The following CDK13 variants were observed in gnomAD, a reference collection of about 807,000 sequenced individuals.
The protein encoded by CDK13 is cyclin dependent kinase 13, also known as cyclin-dependent kinase 13.
CDK13 carries 40 observed loss-of-function variants against 137.6 expected under a neutral mutation model. The observed-to-expected ratio is 0.29, with a 90% CI of 0.23 to 0.38. CDK13 has a LOEUF of 0.38. Ranked by LOEUF, CDK13 falls within the 10% of genes least tolerant of loss-of-function variation. CDK13 has a pLI of 1.00. For synonymous variants in CDK13, 869 were observed against 760.1 expected, an observed-to-expected ratio of 1.14 and a Z score of -2.36; for missense variants, 1,704 against 1,951.8, an observed-to-expected ratio of 0.87 and a Z score of 2.39.
At chr7:40,066,368 G>A (rs1584060769) in intron 9 of CDK13, among the ~76,000 whole-genome samples, 2 of 152,306 alleles carry the variant, frequency 1.3e-5, no homozygotes, top group East Asian at 3.9e-4. Flanking sequence ...ATTAATTGAT[G>A]CTCTTCATTC....
chr7:40,083,278 CTGGG>C (rs1335488169), intron 11 of CDK13, among the ~76,000 whole-genome samples: 1 of 146,858 alleles, frequency 6.8e-6, no homozygotes, highest in Non-Finnish European at 1.5e-5. Context: ...TGAGACCTAC[CTGGG>C]TAACATAAGG....
intron 1 of CDK13, among the ~76,000 whole-genome samples, chr7:39,968,508 G>A (rs1311063045): frequency 3.3e-5 from 5 of 152,204 alleles, no homozygotes; most frequent in Admixed American, 3.3e-4. Flanking sequence ...CAGTAGCTGG[G>A]ACTACAGACA....
At chr7:40,008,234 A>T (rs765833249) in intron 5 of CDK13, among the ~76,000 whole-genome samples, 27 of 152,242 alleles carry the variant, frequency 1.8e-4, no homozygotes, top group Non-Finnish European at 3.4e-4. Flanking sequence ...TAAGTTAATT[A>T]GTATTACATA....
chr7:39,990,599 T>C (rs1319032247), intron 2 of CDK13, among the ~76,000 whole-genome samples: 8 of 152,206 alleles, frequency 5.3e-5, no homozygotes, highest in Non-Finnish European at 1.2e-4. Flanking sequence ...GGAGACTTAT[T>C]TTATATTTAC....
At chr7:39,975,830 T>G (rs1012160514) in intron 1 of CDK13, among the ~76,000 whole-genome samples, 15 of 151,820 alleles carry the variant, frequency 9.9e-5, no homozygotes, top group African/African-American at 3.6e-4. Context: ...CAACACAGAG[T>G]TTTATTTTTA....
At chr7:39,987,100 TTAAAACTATCTTTCTGAAACG>T (rs1366632430) in intron 1 of CDK13, 1 of 152,344 alleles carries the variant, frequency 6.6e-6, no homozygotes, top group Admixed American at 6.5e-5. Flanking sequence ...GTAAATTTTC[TTAAAACTATCTTTCTGAAACG>T]AACTCTAAGA....
chr7:40,031,377 C>G (rs1785374866), intron 5 of CDK13, among the ~76,000 whole-genome samples: 1 of 152,006 alleles, frequency 6.6e-6, no homozygotes, highest in Non-Finnish European at 1.5e-5. Context: ...CAAAAAATAA[C>G]TTGACGTGGT....
At chr7:39,970,419 A>T (rs986717005) in intron 1 of CDK13, among the ~76,000 whole-genome samples, 1 of 151,994 alleles carries the variant, frequency 6.6e-6, no homozygotes, top group African/African-American at 2.4e-5. Context: ...TGTTAACATT[A>T]TGATAGCATA....
At chr7:39,998,868 GTT>G (rs1421864905) in intron 3 of CDK13, 1 of 150,626 alleles carries the variant, frequency 6.6e-6, no homozygotes, top group Non-Finnish European at 1.5e-5. Flanking sequence ...TTTTTTTGAT[GTT>G]TTTCAGATGA....
At chr7:40,035,112 A>G (rs1025714653) in intron 5 of CDK13, among the ~76,000 whole-genome samples, 9 of 152,224 alleles carry the variant, frequency 5.9e-5, no homozygotes, top group African/African-American at 9.6e-5. Flanking sequence ...TTCTAAGGAT[A>G]TGTATATATA....
chr7:39,979,137 T>C (rs892752580), intron 1 of CDK13, among the ~76,000 whole-genome samples: 10 of 152,052 alleles, frequency 6.6e-5, no homozygotes. Flanking sequence ...GGTTATGGTG[T>C]CTGTAGAAAT....
chr7:40,094,499 A>T lies in CDK13; in HGVS notation c.4058A>T (p.Asp1353Val), dbSNP rs1377198788. The T allele has an allele frequency of 6.2e-7, 1 of 1,613,350 alleles. No individual in the cohort carries two copies. The change falls in exon 14 of 14, where the codon GAT becomes GTT. Residue 1353 changes from aspartate (D) to valine (V), a missense_variant. Asp to Val is a radical substitution (Grantham distance 152). This residue lies in a region of CDK13 where 475 missense variants were observed against 579.3 expected (regional missense o/e 0.82). Transcript: ENST00000181839. Reference sequence around the variant, plus strand: ...TCTTCTGCTCCTTATGTTAGCAATGATGGTCTAGGAAGCAGTTCTGCTCCA... The same window carrying T: ...TCTTCTGCTCCTTATGTTAGCAATGTTGGTCTAGGAAGCAGTTCTGCTCCA... ...SFSSAPYVSNDGLGSSSAPPL... is the reference protein window; with the variant it reads ...SFSSAPYVSNVGLGSSSAPPL...
intron 5 of CDK13, among the ~76,000 whole-genome samples, chr7:40,029,797 C>T (rs561778165): frequency 2.0e-5 from 3 of 152,206 alleles, no homozygotes; most frequent in Admixed American, 6.5e-5. Flanking sequence ...GGACTACAGG[C>T]TTGCACCACC....
At chr7:40,075,347 A>T (rs1786522370) in intron 9 of CDK13, among the ~76,000 whole-genome samples, 1 of 152,120 alleles carries the variant, frequency 6.6e-6, no homozygotes, top group African/African-American at 2.4e-5. Flanking sequence ...GTTTCTAGGA[A>T]CTTTCCTTGC....
chr7:40,070,556 A>T (rs1193290914), intron 9 of CDK13: 1 of 152,170 alleles, frequency 6.6e-6, no homozygotes, highest in African/African-American at 2.4e-5. Flanking sequence ...CTCTACAAAA[A>T]TACAGAATTA....
chr7:39,954,469 GTCT>G (rs1787343050), intron 1 of CDK13, among the ~76,000 whole-genome samples: 1 of 152,148 alleles, frequency 6.6e-6, no homozygotes, highest in Non-Finnish European at 1.5e-5. Flanking sequence ...CAACTGGGCT[GTCT>G]TATCCATCAT....
rs1175493746 is a variant in CDK13, at chr7:40,088,316, T to C, written c.3220T>C (p.Ser1074Pro). ...PSSQLKSQGSSNVAPVKTGPG... is the reference protein window; with the variant it reads ...PSSQLKSQGSPNVAPVKTGPG... Reference sequence around the variant, plus strand: ...TTCACAGCTGAAATCTCAGGGCAGCTCAAATGTGGCACCTGGTCAGTAATG... The same window carrying C: ...TTCACAGCTGAAATCTCAGGGCAGCCCAAATGTGGCACCTGGTCAGTAATG... The change falls in exon 12 of 14, where the codon TCA becomes CCA. Residue 1074 changes from serine (S) to proline (P), a missense_variant. Ser to Pro is a moderately conservative substitution (Grantham distance 74). Around this residue, in one of 5 missense-constraint regions of CDK13, gnomAD observed 475 missense variants for 579.3 expected, o/e 0.82. Coordinates refer to ENST00000181839, the MANE Select transcript of CDK13 (RefSeq NM_003718.5). The C allele has an allele frequency of 1.2e-6, 2 of 1,611,564 alleles. No homozygotes were observed. Among genetic ancestry groups the C allele is most frequent in the Non-Finnish European group, 1.7e-6 (2 of 1,177,776 alleles).
chr7:39,951,550 C>A lies in CDK13; in HGVS notation c.909C>A (p.Asp303Glu). The A allele has an allele frequency of 6.5e-7, 1 of 1,538,396 alleles. No individual in the cohort carries two copies. The highest frequency in any genetic ancestry group is 1.2e-5 in the South Asian group (1 of 82,692). The change falls in exon 1 of 14, where the codon GAC becomes GAA. Residue 303 changes from aspartate to glutamate, a missense_variant. Transcript: ENST00000181839. Reference protein sequence around the residue: ...YKEPPKAYREDKTEPKAYRRR... With the variant: ...YKEPPKAYREEKTEPKAYRRR... ...AACCGCCCAAGGCCTACCGGGAGGA[C>A]AAGACCGAGCCTAAGGCCTACAGGC...
chr7:40,082,652 A>G (rs565024088), intron 11 of CDK13, among the ~76,000 whole-genome samples: 97 of 149,882 alleles, frequency 6.5e-4, no homozygotes, highest in Middle Eastern at 3.6e-3. Context: ...TTAGCTGGGC[A>G]TGGTGGCGTG....
Sources: gnomAD v4.1 joint callset for allele counts (sites outside exome capture counted in the v4.1 genomes callset) on GRCh38, gnomAD v4.1.1 for gene constraint, gnomAD v4.1.1 regional missense constraint, MANE v1.5 for transcripts, NCBI Gene and HGNC (gene_info 2026-07-23, HGNC 2026-07-21) for gene names.